GFPT1: variants seen among roughly 807,000 people sequenced by gnomAD.
The protein encoded by GFPT1 is glutamine--fructose-6-phosphate aminotransferase [isomerizing] 1.
A neutral mutation model predicts 92.0 loss-of-function variants in GFPT1; 40 were observed. The ratio of observed to expected loss-of-function variants is 0.43; its 90% CI spans 0.34 to 0.57. The LOEUF (loss-of-function observed/expected upper bound fraction) is 0.57. GFPT1 is among the 20% of genes least tolerant of loss of function. The probability of loss-of-function intolerance (pLI) is 0.02; values close to 1 mark genes in which losing one functional copy is unlikely to be tolerated. For missense variants in GFPT1, 448 were observed against 869.1 expected (o/e 0.52, Z 6.09); for synonymous variants, 269 against 280.6 (o/e 0.96, Z 0.41).
chr2:69,370,383 T>A (rs1468150979), intron 2 of GFPT1, among the ~76,000 whole-genome samples: 1 of 152,126 alleles, frequency 6.6e-6, no homozygotes, highest in East Asian at 1.9e-4. Flanking sequence ...TGAATTATAA[T>A]AAAAATACTA....
rs963118503 is a variant in GFPT1 at position 69,321,903 on chromosome 2, A to G, written c.*4286T>C. 4.6e-5 allele frequency: 7 copies of G among 152,216 alleles called. No homozygotes were observed. The highest frequency in any genetic ancestry group is 1.7e-4 in the African/African-American group (7 of 41,460). 9.4% of individuals were successfully genotyped at this position (152,216 alleles called of 1,614,324 possible). A position where few individuals can be genotyped will look rare whatever the true frequency, so the allele number is the denominator to read the frequency against. ...TTACAGACTTAAAAGTTAATATAGC[A>G]TAATTTTACAATCGTACTTTCACTA... On this transcript the variant is annotated 3_prime_UTR_variant, in exon 20 of 20. Transcript: ENST00000357308.
chr2:69,351,254 G>A (rs976714461), intron 9 of GFPT1, among the ~76,000 whole-genome samples: 1 of 151,970 alleles, frequency 6.6e-6, no homozygotes, highest in Non-Finnish European at 1.5e-5. Context: ...TACTTAATTT[G>A]TCAAGACATT....
intron 18 of GFPT1, among the ~76,000 whole-genome samples, chr2:69,327,411 C>A (rs1355047900): frequency 6.6e-6 from 1 of 152,136 alleles, no homozygotes; most frequent in African/African-American, 2.4e-5. Flanking sequence ...GCCAACTGAT[C>A]TGAAGAAAAC....
At chr2:69,350,056 T>C (rs775689324) in intron 10 of GFPT1, 22 bp downstream of exon 10, 10 of 1,501,298 alleles carry the variant, frequency 6.7e-6, no homozygotes, top group Non-Finnish European at 8.4e-6. Context: ...AAAATCTCTT[T>C]GAATCAACTA....
chr2:69,329,590 A>C (rs1333426390), intron 16 of GFPT1, 94 bp downstream of exon 16: 2 of 1,003,640 alleles, frequency 2.0e-6, no homozygotes, highest in Non-Finnish European at 3.2e-6. Flanking sequence ...TTATTGACTA[A>C]ATAGCTACAA....
At chr2:69,330,041 A>C (rs1448144331) in intron 15 of GFPT1, among the ~76,000 whole-genome samples, 1 of 152,060 alleles carries the variant, frequency 6.6e-6, no homozygotes, top group Non-Finnish European at 1.5e-5. Context: ...AACATAGCGA[A>C]ACCCTGTCTC....
chr2:69,370,410 T>C (rs559643816), intron 2 of GFPT1, among the ~76,000 whole-genome samples: 6 of 152,276 alleles, frequency 3.9e-5, no homozygotes, highest in African/African-American at 1.4e-4. Flanking sequence ...ACAATTGGGA[T>C]ACAATGGAGA....
intron 3 of GFPT1, among the ~76,000 whole-genome samples, chr2:69,364,737 C>T (rs1671566222): frequency 6.6e-6 from 1 of 152,210 alleles, no homozygotes; most frequent in South Asian, 2.1e-4. Context: ...TGGCTCATGC[C>T]TGTAATCCCA....
chr2:69,337,212 C>T (rs972222930), intron 15 of GFPT1, among the ~76,000 whole-genome samples: 1 of 151,764 alleles, frequency 6.6e-6, no homozygotes, highest in Non-Finnish European at 1.5e-5. Context: ...ATTACAGGCA[C>T]GTGCTACCAC....
At chr2:69,356,096 G>A (rs758388989) in intron 7 of GFPT1, among the ~76,000 whole-genome samples, 9 of 145,030 alleles carry the variant, frequency 6.2e-5, no homozygotes, top group South Asian at 2.2e-4. Flanking sequence ...GGGTTCAAGC[G>A]GTTCTCCTTG....
chr2:69,347,480 CTT>C (rs202193663), intron 11 of GFPT1, among the ~76,000 whole-genome samples: 19 of 144,306 alleles, frequency 1.3e-4, no homozygotes, highest in Non-Finnish European at 2.0e-4. Flanking sequence ...TTTTAAGCTT[CTT>C]TTTTTTTTTT....
chr2:69,375,727 G>C (rs1671854213), intron 1 of GFPT1, among the ~76,000 whole-genome samples: 1 of 152,158 alleles, frequency 6.6e-6, no homozygotes, highest in African/African-American at 2.4e-5. Flanking sequence ...CACCCTGTAA[G>C]GGAGGGTAGA....
At position 69,326,268 on chromosome 2, in the gene GFPT1, G is replaced by C. The variant is rs771117724; in HGVS notation, c.2056-35C>G. The C allele has an allele frequency of 8.1e-6, 12 of 1,484,094 alleles. No homozygotes were observed. In the South Asian group the frequency reaches 1.4e-4, roughly 17 times the overall value. 91.9% of individuals were successfully genotyped at this position (1,484,094 alleles called of 1,614,324 possible). On this transcript the variant is annotated intron_variant, in intron 19 of 19. Coordinates refer to ENST00000357308, the MANE Select transcript of GFPT1 (RefSeq NM_001244710.2). ...GAAAAAAAAAAAAAGCAAGATTTGAGAGATTATATAGACTGGGGAAGGGGG... is the reference window on the plus strand; with the variant it reads ...GAAAAAAAAAAAAAGCAAGATTTGACAGATTATATAGACTGGGGAAGGGGG...
chr2:69,353,232 C>T (rs954337661), intron 9 of GFPT1, among the ~76,000 whole-genome samples: 6 of 151,838 alleles, frequency 4.0e-5, no homozygotes, highest in African/African-American at 1.5e-4. Flanking sequence ...TCCATTTGTA[C>T]AAAAAATTTA....
rs1671288674 is a variant in GFPT1, at chr2:69,354,567, G to A, written c.607C>T (p.Arg203Ter). ...HFPGQAVGTR[R>*]GSPLLIGVRS... ...ACACCAATCAACAGAGGGCTACCTC[G>A]CCTGTAAATTGCAAAAGCAGTTAGA... The change falls in exon 8 of 20, where the codon CGA (arginine) becomes TGA (stop). Residue 203 changes from arginine to a stop codon, truncating the protein, a stop_gained and splice_region_variant. Transcript: ENST00000357308. LOFTEE classifies it high-confidence loss of function. 2.5e-6 allele frequency: 4 copies of A among 1,598,636 alleles called. No homozygotes were observed. Among genetic ancestry groups the A allele is most frequent in the African/African-American group, 2.7e-5 (2 of 74,628 alleles).
At chr2:69,383,330 C>G (rs988919394) in intron 1 of GFPT1, among the ~76,000 whole-genome samples, 2 of 152,178 alleles carry the variant, frequency 1.3e-5, no homozygotes, top group South Asian at 4.1e-4. Context: ...TTACCAGAAC[C>G]TATTAACCTC....
chr2:69,358,477 GAAA>G lies in GFPT1; in HGVS notation c.409-17_409-15del, dbSNP rs753279036. The G allele has an allele frequency of 6.4e-7, 1 of 1,554,250 alleles. No individual in the cohort carries two copies. The highest frequency in any genetic ancestry group is 1.1e-5 in the South Asian group (1 of 87,882). ...GCCTTTGCTTTCCTGTAAGTAGAAAGAAAAAAAAGATACAATTAAAGAAATATT... is the reference window on the plus strand; with the variant it reads ...GCCTTTGCTTTCCTGTAAGTAGAAAGAAAAAGATACAATTAAAGAAATATT... On this transcript the variant is annotated splice_polypyrimidine_tract_variant and intron_variant, in intron 5 of 19. Coordinates refer to ENST00000357308, the MANE Select transcript of GFPT1 (RefSeq NM_001244710.2).
At chr2:69,354,337 T>A (rs1485040401) in intron 8 of GFPT1, 25 bp from the exon 9 acceptor site, 1 of 1,567,416 alleles carries the variant, frequency 6.4e-7, no homozygotes, top group Non-Finnish European at 8.7e-7. Flanking sequence ...CAGAAAAAAA[T>A]TCTAATCATC....
At chr2:69,351,162 T>G (rs1487518028) in intron 9 of GFPT1, among the ~76,000 whole-genome samples, 1 of 152,216 alleles carries the variant, frequency 6.6e-6, no homozygotes, top group African/African-American at 2.4e-5. Flanking sequence ...TTTCTTACTC[T>G]TCCTTTAAGT....
Sources: allele counts gnomAD v4.1 joint callset (sites outside exome capture counted in the v4.1 genomes callset), GRCh38; gene constraint gnomAD v4.1.1; transcripts MANE v1.5; gene names NCBI Gene and HGNC (gene_info 2026-07-23, HGNC 2026-07-21).